FGFR1OP2: variants seen among roughly 807,000 people sequenced by gnomAD.
FGFR1OP2 encodes fibroblast growth factor receptor 1 oncogene partner 2.
In FGFR1OP2, 17 loss-of-function variants were observed where a neutral mutation model predicts 35.2. The ratio of observed to expected loss-of-function variants is 0.48; its 90% CI spans 0.33 to 0.73. The LOEUF is 0.73. FGFR1OP2 is among the 30% of genes least tolerant of loss of function. FGFR1OP2 has a pLI of 0.02. For missense variants in FGFR1OP2, 251 were observed against 307.3 expected (o/e 0.82, Z 1.37); for synonymous variants, 105 against 104.6 (o/e 1.00, Z -0.03).
Position 26,964,777 on chromosome 12 carries a change from C to T in FGFR1OP2, c.*44C>T, listed in dbSNP as rs1280228409. On this transcript the variant is annotated 3_prime_UTR_variant, in exon 7 of 7. Transcript: ENST00000229395. ...AGCTTCTTACATGGCTCCAAATGGT[C>T]AAATAAGTGAATGAATGAATGGACA... is the stretch of plus-strand genomic sequence containing the variant. 1.3e-6 allele frequency: 2 copies of T among 1,579,940 alleles called. No homozygotes were observed. The highest frequency in any genetic ancestry group is 1.7e-6 in the Non-Finnish European group (2 of 1,160,164).
At chr12:26,961,647 A>C (rs1939107367) in intron 5 of FGFR1OP2, 1 of 152,196 alleles carries the variant, frequency 6.6e-6, no homozygotes, top group Non-Finnish European at 1.5e-5. Context: ...CTAAAGCAAG[A>C]GAATTGTTTG....
At position 26,965,854 on chromosome 12, in the gene FGFR1OP2, A is replaced by G. The variant is rs1453021082; in HGVS notation, c.*1121A>G. 1.3e-5 allele frequency: 2 copies of G among 152,008 alleles called. No individual in the cohort carries two copies. Among genetic ancestry groups the G allele is most frequent in the Admixed American group, 1.3e-4 (2 of 15,266 alleles). The allele number at this position is 152,008 out of a possible 1,614,324, so 9.4% of individuals were successfully genotyped here. ...TATATAATATGTAATTTTTTTAAAA[A>G]CCACCAGATACAGAAATGTGCTTTA... On this transcript the variant is annotated 3_prime_UTR_variant, in exon 7 of 7. Transcript: ENST00000229395.
intron 1 of FGFR1OP2, among the ~76,000 whole-genome samples, chr12:26,942,587 TTAGA>T (rs1328767702): frequency 2.6e-5 from 4 of 152,184 alleles, no homozygotes; most frequent in African/African-American, 7.2e-5. Flanking sequence ...CTTATACATA[TTAGA>T]TAGGGAGAGT....
intron 4 of FGFR1OP2, among the ~76,000 whole-genome samples, chr12:26,958,709 A>G (rs563027810): frequency 2.0e-5 from 3 of 152,168 alleles, no homozygotes; most frequent in Non-Finnish European, 4.4e-5. Flanking sequence ...CCCTGTGTCT[A>G]TTCCCTTTGG....
At chr12:26,952,789 G>T (rs1301805443) in intron 1 of FGFR1OP2, among the ~76,000 whole-genome samples, 1 of 151,022 alleles carries the variant, frequency 6.6e-6, no homozygotes, top group Non-Finnish European at 1.5e-5. Flanking sequence ...GCAAATTGCT[G>T]TTTTAATAAA....
chr12:26,940,992 T>A (rs1393364912), intron 1 of FGFR1OP2, among the ~76,000 whole-genome samples: 1 of 152,192 alleles, frequency 6.6e-6, no homozygotes, highest in Non-Finnish European at 1.5e-5. Context: ...GTGGTTTCTC[T>A]TTTATCAGCA....
rs1938966435 is a variant in FGFR1OP2 at position 26,953,310 on chromosome 12, G to GAGGATA, written c.-14-832_-14-831insATAAGG. 2.7e-5 allele frequency among the ~76,000 whole-genome samples: 4 copies of GAGGATA among 147,342 alleles called. No individual in the cohort carries two copies. The South Asian group carries it at 8.5e-4, about 31-fold the overall frequency. On this transcript the variant is annotated intron_variant, in intron 1 of 6. Transcript: ENST00000229395. ...AAAAAGGAAGATAAAAGATTTCAAG[G>GAGGATA]AGGGTAAGTGTAAGTTTCAGGAGAA... is the stretch of plus-strand genomic sequence containing the variant.
rs529443118 is a variant in FGFR1OP2 at position 26,957,808 on chromosome 12, AT to A, written c.396+73del. On this transcript the variant is annotated intron_variant, in intron 4 of 6. Transcript: ENST00000229395. ...AGACGATTGATTATTCTGTGTTCAG[AT>A]TTTTTTTGAAAAAAATCACAGGTAT... is the stretch of plus-strand genomic sequence containing the variant. 1.8e-4 allele frequency: 247 copies of A among 1,411,374 alleles called. 1 individual carries two copies. In the South Asian group the frequency reaches 3.7e-3, roughly 21 times the overall value. The allele number at this position is 1,411,374 out of a possible 1,614,324, so 87.4% of individuals were successfully genotyped here. A position where few individuals can be genotyped will look rare whatever the true frequency, so the allele number is the denominator to read the frequency against.
At chr12:26,944,258 ATGGTTTTTCCCC>A (rs1938786322) in intron 1 of FGFR1OP2, among the ~76,000 whole-genome samples, 1 of 152,080 alleles carries the variant, frequency 6.6e-6, no homozygotes, top group Non-Finnish European at 1.5e-5. Context: ...TCCAGCCTGT[ATGGTTTTTCCCC>A]CCTTCCTAGC....
intron 1 of FGFR1OP2, among the ~76,000 whole-genome samples, chr12:26,950,209 C>CTTTTTTTTT (rs1938897603): frequency 2.5e-5 from 1 of 40,466 alleles, no homozygotes; most frequent in Non-Finnish European, 4.3e-5. Context: ...TTAATGTATT[C>CTTTTTTTTT]GTTGTTTTTT....
chr12:26,956,631 A>G lies in FGFR1OP2; in HGVS notation c.224A>G (p.Gln75Arg), dbSNP rs751923162. The G allele has an allele frequency of 5.0e-6, 8 of 1,599,532 alleles. No homozygotes were observed. In the South Asian group the frequency reaches 7.8e-5, roughly 16 times the overall value. ...LVMGIQQENR[Q>R]IRELQQENKE... ...ATGGGAATCCAGCAAGAAAACAGAC[A>G]AATCAGAGAGTTGCAACAAGAAAAC... The change falls in exon 3 of 7, where the codon CAA (glutamine) becomes CGA (arginine). Residue 75 changes from glutamine to arginine, a missense_variant. Transcript: ENST00000229395.
At chr12:26,938,836 CT>C (rs1444666841) in intron 1 of FGFR1OP2, 126 bp downstream of exon 1, 1 of 152,250 alleles carries the variant, frequency 6.6e-6, no homozygotes, top group Non-Finnish European at 1.5e-5. Flanking sequence ...GCCCTGTCCG[CT>C]TCCCGCCGCG....
chr12:26,943,882 A>G (rs952443834), intron 1 of FGFR1OP2, among the ~76,000 whole-genome samples: 1 of 152,152 alleles, frequency 6.6e-6, no homozygotes, highest in African/African-American at 2.4e-5. Context: ...GTCCATGAAC[A>G]CAGTATGTTT....
At chr12:26,950,213 G>GTTGTTTTTTTTTT (rs1938898866) in intron 1 of FGFR1OP2, among the ~76,000 whole-genome samples, 4 of 50,942 alleles carry the variant, frequency 7.9e-5, no homozygotes, top group African/African-American at 3.2e-4. Context: ...TGTATTCGTT[G>GTTGTTTTTTTTTT]TTTTTTTTTT....
chr12:26,946,798 C>G (rs375128985), intron 1 of FGFR1OP2, among the ~76,000 whole-genome samples: 4 of 152,226 alleles, frequency 2.6e-5, no homozygotes, highest in Non-Finnish European at 5.9e-5. Flanking sequence ...AAAAAGAAAC[C>G]GTATGTTCAT....
chr12:26,943,317 A>G (rs908232371), intron 1 of FGFR1OP2, among the ~76,000 whole-genome samples: 3 of 152,164 alleles, frequency 2.0e-5, no homozygotes, highest in Non-Finnish European at 4.4e-5. Flanking sequence ...ACCTTGATTG[A>G]AGTAGCTTTA....
chr12:26,947,189 AAGAACTGTC>A (rs1329377146), intron 1 of FGFR1OP2, among the ~76,000 whole-genome samples: 2 of 152,172 alleles, frequency 1.3e-5, no homozygotes, highest in African/African-American at 4.8e-5. Flanking sequence ...TAACCTTTTG[AAGAACTGTC>A]AGACTTTTCC....
chr12:26,939,392 A>G (rs944404262), intron 1 of FGFR1OP2, among the ~76,000 whole-genome samples: 1 of 152,140 alleles, frequency 6.6e-6, no homozygotes, highest in African/African-American at 2.4e-5. Context: ...GACAGCATCA[A>G]ATCCTAATTG....
intron 1 of FGFR1OP2, 133 bp downstream of exon 1, chr12:26,938,843 C>T (rs1938637598): frequency 1.3e-5 from 2 of 152,240 alleles, no homozygotes; most frequent in South Asian, 2.1e-4. Flanking sequence ...CCGCTTCCCG[C>T]CGCGGGCTCC....
Sources: allele counts gnomAD v4.1 joint callset (sites outside exome capture counted in the v4.1 genomes callset), GRCh38; gene constraint gnomAD v4.1.1; transcripts MANE v1.5; gene names NCBI Gene and HGNC (gene_info 2026-07-23, HGNC 2026-07-21).